Variants in RBFOX1 observed in about 807,000 individuals in gnomAD.
RBFOX1 encodes RNA binding fox-1 homolog 1.
A neutral mutation model predicts 57.7 loss-of-function variants in RBFOX1; 8 were observed. The ratio of observed to expected loss-of-function variants is 0.14; its 90% CI spans 0.08 to 0.25. The LOEUF (loss-of-function observed/expected upper bound fraction) is 0.25. RBFOX1 is among the 10% of genes least tolerant of loss of function. The pLI, the probability that RBFOX1 is intolerant of heterozygous loss-of-function variation, is 1.00. For synonymous variants in RBFOX1, 326 were observed against 222.4 expected (o/e 1.47, Z -4.15); for missense variants, 611 against 548.5 (o/e 1.11, Z -1.14).
chr16:5,752,684 A>G (rs1344038096), intron 3 of RBFOX1, among the ~76,000 whole-genome samples: 2 of 152,212 alleles, frequency 1.3e-5, no homozygotes, highest in Non-Finnish European at 2.9e-5. Flanking sequence ...CCATAATAAG[A>G]GAACCCTCTT....
At chr16:7,611,333 C>G (rs1272891439) in intron 10 of RBFOX1, among the ~76,000 whole-genome samples, 1 of 152,116 alleles carries the variant, frequency 6.6e-6, no homozygotes, top group Non-Finnish European at 1.5e-5. Flanking sequence ...CGCCTTTAAT[C>G]CCAGTACTTT....
chr16:7,120,589 G>A (rs556315824), intron 4 of RBFOX1, among the ~76,000 whole-genome samples: 9 of 150,842 alleles, frequency 6.0e-5, no homozygotes, highest in Admixed American at 3.3e-4. Flanking sequence ...AAACAAACAG[G>A]ATAAGCTAAA....
chr16:5,281,752 C>T (rs1050884614), intron 1 of RBFOX1, among the ~76,000 whole-genome samples: 15 of 152,084 alleles, frequency 9.9e-5, no homozygotes, highest in Non-Finnish European at 5.9e-5. Flanking sequence ...CTCATGATTA[C>T]TTTTGATTTC....
chr16:7,426,369 T>TG (rs945933379), intron 4 of RBFOX1, among the ~76,000 whole-genome samples: 5 of 152,186 alleles, frequency 3.3e-5, no homozygotes, highest in African/African-American at 1.2e-4. Context: ...CACCCAGCTC[T>TG]GGGGGCACCA....
intron 4 of RBFOX1, among the ~76,000 whole-genome samples, chr16:7,213,468 A>C (rs2091511528): frequency 6.6e-6 from 1 of 152,166 alleles, no homozygotes; most frequent in East Asian, 1.9e-4. Context: ...ATCAGACTTT[A>C]ATAGATCTGT....
rs1360950992 is a variant in RBFOX1 at position 6,934,876 on chromosome 16, A to G, written c.-15-117181A>G. On this transcript the variant is annotated intron_variant, in intron 3 of 15. Coordinates refer to ENST00000550418, the MANE Select transcript of RBFOX1 (RefSeq NM_018723.4). Reference sequence around the variant, plus strand: ...CGAGGCTGGCAGATGACTTGAGCTCAGGAGTTTGAGACTAGCCTAGGCAAC... The same window carrying G: ...CGAGGCTGGCAGATGACTTGAGCTCGGGAGTTTGAGACTAGCCTAGGCAAC... Among the ~76,000 whole-genome samples the G allele has an allele frequency of 3.3e-5, 5 of 152,148 alleles. No individual in the cohort carries two copies. The East Asian group carries it at 9.7e-4, about 29-fold the overall frequency.
At chr16:6,084,668 G>C (rs889701) in intron 1 of RBFOX1, among the ~76,000 whole-genome samples, 1 of 151,940 alleles carries the variant, frequency 6.6e-6, no homozygotes, top group Non-Finnish European at 1.5e-5. Context: ...TCTCTCTCTC[G>C]TTTTCTATGA....
intron 4 of RBFOX1, among the ~76,000 whole-genome samples, chr16:7,127,695 C>T (rs769128957): frequency 6.6e-6 from 1 of 152,170 alleles, no homozygotes; most frequent in African/African-American, 2.4e-5. Flanking sequence ...GAATGAGTTT[C>T]TTTCAGAGGA....
At chr16:7,410,660 A>G (rs2098415307) in intron 4 of RBFOX1, among the ~76,000 whole-genome samples, 1 of 151,096 alleles carries the variant, frequency 6.6e-6, no homozygotes, top group African/African-American at 2.4e-5. Context: ...CTGGACAACA[A>G]GAGCAAAACT....
intron 5 of RBFOX1, among the ~76,000 whole-genome samples, chr16:7,571,117 G>A (rs1268460639): frequency 6.6e-6 from 1 of 152,170 alleles, no homozygotes; most frequent in Non-Finnish European, 1.5e-5. Context: ...GCTAATGCAT[G>A]CGGGGCTTAT....
intron 1 of RBFOX1, among the ~76,000 whole-genome samples, chr16:5,362,120 A>G (rs756474431): frequency 6.6e-6 from 1 of 152,252 alleles, no homozygotes; most frequent in Non-Finnish European, 1.5e-5. Context: ...GTTTACATGC[A>G]TAATACAGTA....
chr16:5,383,126 C>G (rs756464429), intron 1 of RBFOX1, among the ~76,000 whole-genome samples: 1 of 152,236 alleles, frequency 6.6e-6, no homozygotes, highest in African/African-American at 2.4e-5. Flanking sequence ...TAATTTCACA[C>G]TCCAACTGTT....
chr16:5,883,593 T>A (rs1052344939), intron 4 of RBFOX1, among the ~76,000 whole-genome samples: 4 of 152,118 alleles, frequency 2.6e-5, no homozygotes, highest in African/African-American at 7.2e-5. Flanking sequence ...GTCTCTCTGC[T>A]TTTGGATTTT....
chr16:5,720,129 T>A (rs1230102808), intron 3 of RBFOX1, among the ~76,000 whole-genome samples: 1 of 152,218 alleles, frequency 6.6e-6, no homozygotes, highest in Non-Finnish European at 1.5e-5. Flanking sequence ...GAGTGTGAAG[T>A]AGTATCTCAT....
At chr16:7,436,678 C>T (rs1052857481) in intron 4 of RBFOX1, among the ~76,000 whole-genome samples, 1 of 152,196 alleles carries the variant, frequency 6.6e-6, no homozygotes, top group Non-Finnish European at 1.5e-5. Flanking sequence ...GATGAGATGT[C>T]CTGAGCTCCA....
At chr16:6,981,936 GTATTACAATAGAACTTTT>G in intron 3 of RBFOX1, among the ~76,000 whole-genome samples, 1 of 152,236 alleles carries the variant, frequency 6.6e-6, no homozygotes, top group African/African-American at 2.4e-5. Flanking sequence ...ATGGGTCTTT[GTATTACAATAGAACTTTT>G]TATTGGCACA....
At chr16:7,210,386 G>T (rs549998440) in intron 4 of RBFOX1, among the ~76,000 whole-genome samples, 1 of 152,128 alleles carries the variant, frequency 6.6e-6, no homozygotes, top group East Asian at 1.9e-4. Context: ...ACCACGGTGT[G>T]GTCCTTCCTC....
At chr16:7,253,398 C>G (rs537665612) in intron 4 of RBFOX1, among the ~76,000 whole-genome samples, 26 of 152,232 alleles carry the variant, frequency 1.7e-4, no homozygotes, top group African/African-American at 6.3e-4. Flanking sequence ...ATGGTGTTCT[C>G]CGGCTTGACA....
chr16:6,158,806 G>A (rs146884803), intron 1 of RBFOX1, among the ~76,000 whole-genome samples: 1 of 152,118 alleles, frequency 6.6e-6, no homozygotes, highest in Non-Finnish European at 1.5e-5. Flanking sequence ...GAGAGGGCAC[G>A]TCTGGGAATT....
Sources: allele counts gnomAD v4.1 joint callset (sites outside exome capture counted in the v4.1 genomes callset), GRCh38; gene constraint gnomAD v4.1.1; transcripts MANE v1.5; gene names NCBI Gene and HGNC (gene_info 2026-07-23, HGNC 2026-07-21).